CELSR3: variants seen among roughly 807,000 people sequenced by gnomAD.
The protein encoded by CELSR3 is cadherin EGF LAG seven-pass G-type receptor 3.
Under a neutral mutation model 270.0 loss-of-function variants are expected in CELSR3, and 73 were observed. The ratio of observed to expected loss-of-function variants is 0.27; its 90% CI spans 0.22 to 0.33. The LOEUF (loss-of-function observed/expected upper bound fraction) is 0.33. Among genes scored for constraint, CELSR3 ranks in the 10% least tolerant of loss-of-function variants. CELSR3 has a pLI of 1.00. For missense variants in CELSR3, 3,614 were observed against 4,533.8 expected (o/e 0.80, Z 5.83); for synonymous variants, 1,780 against 1,905.4 (o/e 0.93, Z 1.71).
chr3:48,639,939 C>A lies in CELSR3; in HGVS notation c.9646G>T (p.Ala3216Ser). Residue 3216 changes from alanine (A) to serine (S), a missense_variant, in exon 34 of 35, where the codon GCC becomes TCC. Ala to Ser is a moderately conservative substitution (Grantham distance 99). Transcript: ENST00000164024. This position sits in a 1 kb window ranked among gnomAD's most constrained non-coding sequence, Gnocchi z 4.1. Reference protein sequence around the residue: ...QVPSRHPSREALGPLPQLLRA... With the variant: ...QVPSRHPSRESLGPLPQLLRA... ...AGCAGCTGCGGGAGTGGCCCAAGGG[C>A]TTCTCGTGAGGGGTGCCGGCTAGGC... The A allele has an allele frequency of 6.2e-7, 1 of 1,613,020 alleles. No homozygotes were observed. The highest frequency in any genetic ancestry group is 8.5e-7 in the Non-Finnish European group (1 of 1,180,006).
In CELSR3 at chr3:48,652,850, C is replaced by T. The variant is rs1212682574; in HGVS notation, c.5634+152G>A. The T allele has an allele frequency of 4.0e-6, 3 of 747,042 alleles. No individual in the cohort carries two copies. The highest frequency in any genetic ancestry group is 5.1e-5 in the East Asian group (2 of 39,472). 46.3% of individuals were successfully genotyped at this position (747,042 alleles called of 1,614,324 possible). On this transcript the variant is annotated intron_variant, in intron 10 of 34. Coordinates refer to ENST00000164024, the MANE Select transcript of CELSR3 (RefSeq NM_001407.3). This position sits in a 1 kb window ranked among gnomAD's most constrained non-coding sequence, Gnocchi z 4.3. ...GACCAACTTGGCTGGTGGGTGGGCT[C>T]AGTGCAAGGATATATGGTGGGGAAC...
rs772862640 is a variant in CELSR3, at chr3:48,640,103, C to T, written c.9482G>A (p.Arg3161His). Residue 3161 changes from arginine (R) to histidine (H), a missense_variant, in exon 34 of 35, where the codon CGC (arginine) becomes CAC (histidine). This residue lies in a region of CELSR3 where 1,240 missense variants were observed against 1,351.7 expected (regional missense o/e 0.92). Transcript: ENST00000164024. This position sits in a 1 kb window ranked among gnomAD's most constrained non-coding sequence, Gnocchi z 7.5. ...EWLSTLPPPR[R>H]TRDLDPQPPP... The stretch of plus-strand genomic sequence containing the variant: ...GGGCTGTGGGTCAAGGTCCCGGGTG[C>T]GGCGGGGCGGAGGCAGCGTGCTCAA... 9.9e-6 allele frequency: 16 copies of T among 1,610,838 alleles called. No individual in the cohort carries two copies. The highest frequency in any genetic ancestry group is 2.2e-5 in the East Asian group (1 of 44,872).
In CELSR3 at chr3:48,661,681, G is replaced by A. The variant is rs371312429; in HGVS notation, c.954C>T (p.Ala318=). The A allele has an allele frequency of 1.0e-5, 16 of 1,582,158 alleles. No individual in the cohort carries two copies. The African/African-American group carries it at 1.9e-4, about 19-fold the overall frequency. ...GCGGAAACTGCGGGTGGCGGTTTGCGGCGCGACGAAAGCGTGCCCGGTTCG... is the reference window on the plus strand; with the variant it reads ...GCGGAAACTGCGGGTGGCGGTTTGCAGCGCGACGAAAGCGTGCCCGGTTCG... ...TSANRARFRR[A]ANRHPQFPQY... is the part of the protein sequence containing the mutation. Residue 318 remains alanine, a synonymous_variant, in exon 1 of 35, where the codon GCC becomes GCT. Transcript: ENST00000164024.
At position 48,659,497 on chromosome 3, in the gene CELSR3, T is replaced by G. The variant is rs749266585; in HGVS notation, c.3138A>C (p.Pro1046=). ...CCTGGATACTGACTGGAGTCCGGAG[T>G]GGGGGCACACCTCTGTCCACTGCGT... The part of the protein sequence containing the change: ...TAYAVDRGVP[P]LRTPVSIQVM... The change falls in exon 1 of 35, where the codon CCA becomes CCC. Residue 1046 remains proline, a synonymous_variant. Transcript: ENST00000164024. The surrounding 1 kb of genome is among the most constrained non-coding windows in gnomAD (Gnocchi z 8.1). 1 of 1,613,966 alleles carries G rather than the reference T, an allele frequency of 6.2e-7. No individual in the cohort carries two copies. Among genetic ancestry groups the G allele is most frequent in the Admixed American group, 1.7e-5 (1 of 60,002 alleles).
rs150250500 is a variant in CELSR3, at chr3:48,653,026, G to C, written c.5610C>G (p.Val1870=). 9.2e-5 allele frequency: 148 copies of C among 1,613,216 alleles called. No individual in the cohort carries two copies. The African/African-American group carries it at 1.8e-3, about 19-fold the overall frequency. The part of the protein sequence containing the change: ...GGRRGHHVLM[V]SLDFSLFQDT... ...CCTGGAAGAGGCTAAAGTCCAGTGAGACCATAAGGACATGGTGGCCCCGCC... is the reference window on the plus strand; with the variant it reads ...CCTGGAAGAGGCTAAAGTCCAGTGACACCATAAGGACATGGTGGCCCCGCC... Residue 1870 remains valine, a synonymous_variant, in exon 10 of 35, where the codon GTC becomes GTG. Coordinates refer to ENST00000164024, the MANE Select transcript of CELSR3 (RefSeq NM_001407.3). The surrounding 1 kb of genome is among the most constrained non-coding windows in gnomAD (Gnocchi z 6.5).
chr3:48,641,869 G>A lies in CELSR3; in HGVS notation c.8806C>T (p.Leu2936Phe). Residue 2936 changes from leucine to phenylalanine, a missense_variant, in exon 32 of 35, where the codon CTC (leucine) becomes TTC (phenylalanine). By Grantham distance (22) the Leu-to-Phe change is conservative. Transcript: ENST00000164024. The surrounding 1 kb of genome is among the most constrained non-coding windows in gnomAD (Gnocchi z 4.8). ...PLCRAAQSER[L>F]LTHPKDVDGN... ...CTGGCACCTTTGGGGTGGGTGAGGA[G>A]CCTCTCACTCTGGGCTGCTCGGCAG... 6.7e-7 allele frequency: 1 copy of A among 1,490,724 alleles called. No individual in the cohort carries two copies. Among genetic ancestry groups the A allele is most frequent in the Non-Finnish European group, 8.9e-7 (1 of 1,121,508 alleles). 92.3% of individuals were successfully genotyped at this position (1,490,724 alleles called of 1,614,324 possible).
In CELSR3 at chr3:48,653,212, G is replaced by C. The variant is rs918965805; in HGVS notation, c.5449-25C>G. 6.2e-7 allele frequency: 1 copy of C among 1,608,242 alleles called. No individual in the cohort carries two copies. The highest frequency in any genetic ancestry group is 1.1e-5 in the South Asian group (1 of 90,754). On this transcript the variant is annotated intron_variant, in intron 9 of 34. Transcript: ENST00000164024. The surrounding 1 kb of genome is among the most constrained non-coding windows in gnomAD (Gnocchi z 6.5). ...GCTGTGGGCAGAGATGCATAGCCCTGGGGTTAGAGCCCCATGTGGGCTGGG... is the reference window on the plus strand; with the variant it reads ...GCTGTGGGCAGAGATGCATAGCCCTCGGGTTAGAGCCCCATGTGGGCTGGG...
chr3:48,657,078 G>A lies in CELSR3; in HGVS notation c.4019C>T (p.Ala1340Val), dbSNP rs1172844219. 6.2e-7 allele frequency: 1 copy of A among 1,613,782 alleles called. No individual in the cohort carries two copies. Among genetic ancestry groups the A allele is most frequent in the Non-Finnish European group, 8.5e-7 (1 of 1,179,930 alleles). The change falls in exon 2 of 35, where the codon GCG (alanine) becomes GTG (valine). Residue 1340 changes from alanine (A) to valine (V), a missense_variant. Coordinates refer to ENST00000164024, the MANE Select transcript of CELSR3 (RefSeq NM_001407.3). The surrounding 1 kb of genome is among the most constrained non-coding windows in gnomAD (Gnocchi z 5.4). ...FSALAPRGAG[A>V]GAAGPWFSSE... Reference sequence around the variant, plus strand: ...GCTGAACCAGGGCCCTGCAGCGCCCGCCCCGGCCCCACGTGGAGCTAGCGC... The same window carrying A: ...GCTGAACCAGGGCCCTGCAGCGCCCACCCCGGCCCCACGTGGAGCTAGCGC...
rs2046979011 is a variant in CELSR3 at position 48,637,216 on chromosome 3, G to A, written c.*989C>T. On this transcript the variant is annotated 3_prime_UTR_variant, in exon 35 of 35. Coordinates refer to ENST00000164024, the MANE Select transcript of CELSR3 (RefSeq NM_001407.3). The stretch of plus-strand genomic sequence containing the variant: ...GGGAATAAAGGAGGAGTGGAACGGA[G>A]TCACTTCCTGCAGCCCAGGTGCCTA... 2 of 152,622 alleles carry A rather than the reference G, an allele frequency of 1.3e-5. No individual in the cohort carries two copies. Among genetic ancestry groups the A allele is most frequent in the South Asian group, 4.1e-4 (2 of 4,830 alleles). 9.5% of individuals were successfully genotyped at this position (152,622 alleles called of 1,614,324 possible).
intron 27 of CELSR3, 30 bp from the exon 28 acceptor site, chr3:48,643,707 G>A (rs184664678): frequency 1.3e-6 from 2 of 1,550,474 alleles, no homozygotes; most frequent in African/African-American, 1.4e-5. Flanking sequence ...AGACACAGGA[G>A]GACATGCAAG....
chr3:48,652,129 T>C lies in CELSR3; in HGVS notation c.5752-81A>G. 1 of 1,338,862 alleles carries C rather than the reference T, an allele frequency of 7.5e-7. No individual in the cohort carries two copies. Among genetic ancestry groups the C allele is most frequent in the South Asian group, 1.5e-5 (1 of 65,946 alleles). 82.9% of individuals were successfully genotyped at this position (1,338,862 alleles called of 1,614,324 possible). A position where few individuals can be genotyped will look rare whatever the true frequency, so the allele number is the denominator to read the frequency against. ...GTACTGCAGAGCCAGCCACCCGGTCTGATGATCCTTGACATGCAGTCTTCT... is the reference window on the plus strand; with the variant it reads ...GTACTGCAGAGCCAGCCACCCGGTCCGATGATCCTTGACATGCAGTCTTCT... On this transcript the variant is annotated intron_variant, in intron 11 of 34. Coordinates refer to ENST00000164024, the MANE Select transcript of CELSR3 (RefSeq NM_001407.3). The surrounding 1 kb of genome is among the most constrained non-coding windows in gnomAD (Gnocchi z 4.3).
chr3:48,655,436 T>C lies in CELSR3; in HGVS notation c.4742-42A>G, dbSNP rs1182206253. On this transcript the variant is annotated intron_variant, in intron 4 of 34. Transcript: ENST00000164024. The surrounding 1 kb of genome is among the most constrained non-coding windows in gnomAD (Gnocchi z 5.8). ...TGTGGAATCATCAGGAGCAGCGGAG[T>C]CGCCCCATCCCACCCGTCATATAAG... 6.3e-7 allele frequency: 1 copy of C among 1,599,800 alleles called. No homozygotes were observed. Among genetic ancestry groups the C allele is most frequent in the Non-Finnish European group, 8.6e-7 (1 of 1,167,996 alleles).
rs1260306019 is a variant in CELSR3 at position 48,651,302 on chromosome 3, G to A, written c.6186+57C>T. The A allele has an allele frequency of 3.1e-6, 5 of 1,603,426 alleles. No individual in the cohort carries two copies. Among genetic ancestry groups the A allele is most frequent in the Non-Finnish European group, 4.3e-6 (5 of 1,172,376 alleles). On this transcript the variant is annotated intron_variant, in intron 14 of 34. Coordinates refer to ENST00000164024, the MANE Select transcript of CELSR3 (RefSeq NM_001407.3). The surrounding 1 kb of genome is among the most constrained non-coding windows in gnomAD (Gnocchi z 7.4). ...TCAGGTGGCGGAGGTCAGCAAGCTGGACAGGAATTGCAGATTGCGTCCAAG... is the reference window on the plus strand; with the variant it reads ...TCAGGTGGCGGAGGTCAGCAAGCTGAACAGGAATTGCAGATTGCGTCCAAG...
chr3:48,648,971 T>C, intron 17 of CELSR3, 43 bp from the exon 18 acceptor site: 2 of 1,600,996 alleles, frequency 1.2e-6, no homozygotes, highest in Non-Finnish European at 1.7e-6. Flanking sequence ...CCCTTAGGCC[T>C]TCCTCTAAAG....
rs1245152948 is a variant in CELSR3 at position 48,640,084 on chromosome 3, T to A, written c.9501A>T (p.Pro3167=). 3.7e-6 allele frequency: 6 copies of A among 1,610,790 alleles called. No homozygotes were observed. Among genetic ancestry groups the A allele is most frequent in the Non-Finnish European group, 5.1e-6 (6 of 1,179,732 alleles). Residue 3167 remains proline, a synonymous_variant, in exon 34 of 35, where the codon CCA becomes CCT. Coordinates refer to ENST00000164024, the MANE Select transcript of CELSR3 (RefSeq NM_001407.3). This position sits in a 1 kb window ranked among gnomAD's most constrained non-coding sequence, Gnocchi z 7.5. ...PPPRRTRDLD[P]QPPPLPLSPQ... The stretch of plus-strand genomic sequence containing the variant: ...GAGACAGGGGCAGAGGTGGGGGCTG[T>A]GGGTCAAGGTCCCGGGTGCGGCGGG...
In CELSR3 at chr3:48,641,936, G is replaced by A. The variant is rs948162683; in HGVS notation, c.8739C>T (p.Ser2913=). Residue 2913 remains serine, a synonymous_variant, in exon 32 of 35, where the codon AGC becomes AGT. Transcript: ENST00000164024. This position sits in a 1 kb window ranked among gnomAD's most constrained non-coding sequence, Gnocchi z 4.8. Reference sequence around the variant, plus strand: ...GCCCCCGCGTCCGGCCATTGTCCTCGCTTTCTGAAGATGGAATGGAGAGAC... The same window carrying A: ...GCCCCCGCGTCCGGCCATTGTCCTCACTTTCTGAAGATGGAATGGAGAGAC... ...ERSLSIPSSE[S]EDNGRTRGRF... 1.9e-6 allele frequency: 3 copies of A among 1,602,732 alleles called. No homozygotes were observed. Among genetic ancestry groups the A allele is most frequent in the South Asian group, 1.1e-5 (1 of 89,634 alleles).
In CELSR3 at chr3:48,645,212, G is replaced by A; in HGVS notation, c.7798-3C>T. 1 of 1,566,988 alleles carries A rather than the reference G, an allele frequency of 6.4e-7. No homozygotes were observed. Among genetic ancestry groups the A allele is most frequent in the Non-Finnish European group, 8.7e-7 (1 of 1,149,974 alleles). ...ATGGCGACTGCAGTGCACACCAGCT[G>A]AGGGCAGGGGGGCGTGTCAGGACCT... On this transcript the variant is annotated splice_region_variant and splice_polypyrimidine_tract_variant and intron_variant, in intron 24 of 34. Transcript: ENST00000164024. The surrounding 1 kb of genome is among the most constrained non-coding windows in gnomAD (Gnocchi z 5.4).
Position 48,646,816 on chromosome 3 carries a change from G to A in CELSR3, c.7242C>T (p.Arg2414=), listed in dbSNP as rs777083096. The A allele has an allele frequency of 3.1e-6, 5 of 1,607,788 alleles. No individual in the cohort carries two copies. Among genetic ancestry groups the A allele is most frequent in the Non-Finnish European group, 4.2e-6 (5 of 1,178,000 alleles). ...GISIIILLVY[R]TLGGLLPAQF... The stretch of plus-strand genomic sequence containing the variant: ...GGGCAGGGAGCAGTCCCCCTAAGGT[G>A]CGGTAAACGAGGAGAATGATAATGG... The change falls in exon 21 of 35, where the codon CGC becomes CGT. Residue 2414 remains arginine (R), a synonymous_variant. Coordinates refer to ENST00000164024, the MANE Select transcript of CELSR3 (RefSeq NM_001407.3). This position sits in a 1 kb window ranked among gnomAD's most constrained non-coding sequence, Gnocchi z 4.8.
chr3:48,642,212 T>C lies in CELSR3; in HGVS notation c.8665+146A>G. On this transcript the variant is annotated intron_variant, in intron 31 of 34. Coordinates refer to ENST00000164024, the MANE Select transcript of CELSR3 (RefSeq NM_001407.3). The surrounding 1 kb of genome is among the most constrained non-coding windows in gnomAD (Gnocchi z 6.1). The stretch of plus-strand genomic sequence containing the variant: ...AGGAGTGGACTGGGAGAACCAGGGC[T>C]GGAGAGGTAGGTGCCTCCTGAGGCA... 1 of 934,102 alleles carries C rather than the reference T, an allele frequency of 1.1e-6. No individual in the cohort carries two copies. The highest frequency in any genetic ancestry group is 1.7e-5 in the African/African-American group (1 of 60,092). 57.9% of individuals were successfully genotyped at this position (934,102 alleles called of 1,614,324 possible).
Sources: gnomAD v4.1 joint callset for allele counts on GRCh38, gnomAD v4.1.1 for gene constraint, gnomAD v4.1.1 regional missense constraint, Gnocchi (gnomAD v3.1) non-coding constraint, MANE v1.5 for transcripts, NCBI Gene and HGNC (gene_info 2026-07-23, HGNC 2026-07-21) for gene names.